The following DNAH9 variants were observed in gnomAD, a reference collection of about 807,000 sequenced individuals.
DNAH9 encodes the protein dynein axonemal heavy chain 9.
Under a neutral mutation model 471.6 loss-of-function variants are expected in DNAH9, and 345 were observed. The observed-to-expected ratio is 0.73, with a 90% CI of 0.67 to 0.80. The LOEUF (loss-of-function observed/expected upper bound fraction) is 0.80. Ranked by LOEUF, DNAH9 falls within the 30% of genes least tolerant of loss-of-function variation. The probability of loss-of-function intolerance (pLI) is 0.00; values close to 1 mark genes in which losing one functional copy is unlikely to be tolerated. For missense variants in DNAH9, 5,407 were observed against 5,609.2 expected, an observed-to-expected ratio of 0.96 and a Z score of 1.15; for synonymous variants, 2,093 against 2,123.6, an observed-to-expected ratio of 0.99 and a Z score of 0.40.
rs183078827 is a variant in DNAH9, at chr17:11,869,627, A to G, written c.10053+374A>G. Among the ~76,000 whole-genome samples, 45 of 152,324 alleles carry G rather than the reference A, an allele frequency of 3.0e-4. No homozygotes were observed. In the South Asian group the frequency reaches 3.3e-3, roughly 11 times the overall value. On this transcript the variant is annotated intron_variant, in intron 51 of 68. Coordinates refer to ENST00000262442, the MANE Select transcript of DNAH9 (RefSeq NM_001372.4). ...ACATTTCATTATAAGGGTGTGGCCAAGATTAGGAACTGAGATAGAAACAGA... is the reference window on the plus strand; with the variant it reads ...ACATTTCATTATAAGGGTGTGGCCAGGATTAGGAACTGAGATAGAAACAGA...
intron 28 of DNAH9, among the ~76,000 whole-genome samples, chr17:11,731,698 C>A (rs945167056): frequency 6.6e-6 from 1 of 151,980 alleles, no homozygotes; most frequent in Non-Finnish European, 1.5e-5. Context: ...TTGTTTCCAG[C>A]TTCATCCATG....
chr17:11,626,276 G>T lies in DNAH9; in HGVS notation c.1351-3141G>T, dbSNP rs2150666528. 6.6e-6 allele frequency among the ~76,000 whole-genome samples: 1 copy of T among 152,202 alleles called. No individual in the cohort carries two copies. Among genetic ancestry groups the T allele is most frequent in the Admixed American group, 6.5e-5 (1 of 15,284 alleles). On this transcript the variant is annotated intron_variant, in intron 6 of 68. Coordinates refer to ENST00000262442, the MANE Select transcript of DNAH9 (RefSeq NM_001372.4). This position sits in a 1 kb window ranked among gnomAD's most constrained non-coding sequence, Gnocchi z 4.3. ...ATTTAAATTGCCTTTTATCTGTTTT[G>T]TGAGAACTTTTAAATAAACAATGAA...
chr17:11,791,814 C>T (rs1159919783), intron 41 of DNAH9, among the ~76,000 whole-genome samples: 1 of 152,136 alleles, frequency 6.6e-6, no homozygotes, highest in Non-Finnish European at 1.5e-5. Context: ...TGCCGCTGGA[C>T]AGGAGAGGTG....
Position 11,617,392 on chromosome 17 carries a change from C to T in DNAH9, c.905-19C>T. The stretch of plus-strand genomic sequence containing the variant: ...TTAGGCTCCAGATGGGAATGCTGAC[C>T]ATCTCCAATTCCTTCCAGCTCTAGC... On this transcript the variant is annotated intron_variant, in intron 4 of 68. Coordinates refer to ENST00000262442, the MANE Select transcript of DNAH9 (RefSeq NM_001372.4). The T allele has an allele frequency of 2.5e-6, 4 of 1,591,384 alleles. No homozygotes were observed. The highest frequency in any genetic ancestry group is 1.3e-5 in the African/African-American group (1 of 74,562).
At chr17:11,792,155 T>C (rs1033179783) in intron 41 of DNAH9, among the ~76,000 whole-genome samples, 2 of 152,040 alleles carry the variant, frequency 1.3e-5, no homozygotes, top group African/African-American at 4.8e-5. Context: ...ATGCCTGCAA[T>C]CCCAGCTACT....
chr17:11,803,322 C>T (rs1359962537), intron 43 of DNAH9, among the ~76,000 whole-genome samples: 3 of 152,122 alleles, frequency 2.0e-5, no homozygotes, highest in Non-Finnish European at 4.4e-5. Context: ...ACAACAACAA[C>T]GACAAACCCT....
intron 8 of DNAH9, among the ~76,000 whole-genome samples, chr17:11,634,161 T>C (rs1026654802): frequency 1.3e-5 from 2 of 152,170 alleles, no homozygotes; most frequent in East Asian, 3.9e-4. Flanking sequence ...ACCTTGACTC[T>C]TCTTCTCAGC....
intron 17 of DNAH9, among the ~76,000 whole-genome samples, chr17:11,671,980 C>G (rs2073979912): frequency 6.6e-6 from 1 of 152,122 alleles, no homozygotes; most frequent in Non-Finnish European, 1.5e-5. Flanking sequence ...GTTGGTGATT[C>G]TAGAAACTGG....
intron 62 of DNAH9, among the ~76,000 whole-genome samples, chr17:11,924,873 G>A (rs373240632): frequency 6.6e-6 from 1 of 151,864 alleles, no homozygotes; most frequent in African/African-American, 2.4e-5. Flanking sequence ...ATCTACCTGC[G>A]TCAGCCTCCC....
At chr17:11,650,130 A>G (rs916669128) in intron 12 of DNAH9, among the ~76,000 whole-genome samples, 1 of 152,224 alleles carries the variant, frequency 6.6e-6, no homozygotes, top group African/African-American at 2.4e-5. Flanking sequence ...TAGAAGACTG[A>G]GTCCATTTCC....
intron 57 of DNAH9, among the ~76,000 whole-genome samples, chr17:11,888,513 C>T (rs557310487): frequency 6.6e-6 from 1 of 152,230 alleles, no homozygotes; most frequent in South Asian, 2.1e-4. Flanking sequence ...AGGCCCATGA[C>T]AATCTGTGTT....
At chr17:11,698,102 C>A (rs2074507984) in intron 22 of DNAH9, among the ~76,000 whole-genome samples, 1 of 130,000 alleles carries the variant, frequency 7.7e-6, no homozygotes, top group Non-Finnish European at 1.6e-5. Context: ...GTATATATAC[C>A]TATATAAAAT....
intron 29 of DNAH9, 52 bp downstream of exon 29, chr17:11,739,089 A>G (rs374896333): frequency 1.7e-5 from 25 of 1,500,536 alleles, no homozygotes; most frequent in Non-Finnish European, 2.2e-5. Flanking sequence ...AGTTTCTTTC[A>G]TTTTTCCACT....
intron 51 of DNAH9, among the ~76,000 whole-genome samples, chr17:11,869,469 A>T (rs898032993): frequency 6.6e-6 from 1 of 152,196 alleles, no homozygotes; most frequent in South Asian, 2.1e-4. Context: ...GGTTGGGAGG[A>T]TGGGAGCACT....
chr17:11,802,426 C>T (rs751032697), intron 43 of DNAH9, among the ~76,000 whole-genome samples: 4 of 151,948 alleles, frequency 2.6e-5, no homozygotes, highest in African/African-American at 4.8e-5. Context: ...TTCAGGAGTT[C>T]GAGACTAGCC....
rs904371509 is a variant in DNAH9 at position 11,623,893 on chromosome 17, T to C, written c.1350+4112T>C. 6.6e-6 allele frequency among the ~76,000 whole-genome samples: 1 copy of C among 152,162 alleles called. No individual in the cohort carries two copies. The highest frequency in any genetic ancestry group is 6.5e-5 in the Admixed American group (1 of 15,280). ...TCATTTCTCTGATGTGAGTTGCTTT[T>C]TTATTCTTTCACTCTTTTTGCACAA... On this transcript the variant is annotated intron_variant, in intron 6 of 68. Transcript: ENST00000262442. This position sits in a 1 kb window ranked among gnomAD's most constrained non-coding sequence, Gnocchi z 4.1.
intron 45 of DNAH9, among the ~76,000 whole-genome samples, chr17:11,816,129 C>T (rs903856595): frequency 2.0e-5 from 3 of 152,128 alleles, no homozygotes; most frequent in African/African-American, 7.2e-5. Context: ...TCCCCATATT[C>T]CTACAGCACT....
Position 11,644,703 on chromosome 17 carries a change from A to G in DNAH9, c.1970+4A>G, listed in dbSNP as rs368341716. On this transcript the variant is annotated splice_donor_region_variant and intron_variant, in intron 11 of 68. Coordinates refer to ENST00000262442, the MANE Select transcript of DNAH9 (RefSeq NM_001372.4). Reference sequence around the variant, plus strand: ...ATATGCTGTCATTGCTAGAAAAGTAAGCAACTTCTGGCATTGCGTGGGTCT... The same window carrying G: ...ATATGCTGTCATTGCTAGAAAAGTAGGCAACTTCTGGCATTGCGTGGGTCT... The G allele has an allele frequency of 2.3e-4, 378 of 1,609,186 alleles. No homozygotes were observed. The highest frequency in any genetic ancestry group is 3.1e-4 in the Non-Finnish European group (364 of 1,176,626).
intron 66 of DNAH9, among the ~76,000 whole-genome samples, chr17:11,941,284 A>G (rs1974897981): frequency 1.3e-5 from 2 of 152,206 alleles, no homozygotes; most frequent in Admixed American, 1.3e-4. Flanking sequence ...CCTAGAGCTC[A>G]GCTCTCAGGA....
Sources: gnomAD v4.1 joint callset for allele counts (sites outside exome capture counted in the v4.1 genomes callset) on GRCh38, gnomAD v4.1.1 for gene constraint, Gnocchi (gnomAD v3.1) non-coding constraint, MANE v1.5 for transcripts, NCBI Gene and HGNC (gene_info 2026-07-23, HGNC 2026-07-21) for gene names.